Variants in RASSF3 observed in about 807,000 individuals in gnomAD.
RASSF3 encodes the protein Ras association domain family member 3, also known as ras association domain-containing protein 3.
RASSF3 carries 19 observed loss-of-function variants against 19.9 expected under a neutral mutation model. The ratio of observed to expected loss-of-function variants is 0.96; its 90% confidence interval spans 0.67 to 1.40. The LOEUF (loss-of-function observed/expected upper bound fraction) is 1.40, where lower values mean the gene tolerates loss of function less well. Among genes scored for constraint, RASSF3 ranks in the 40% most tolerant of loss-of-function variants. The pLI, the probability that RASSF3 is intolerant of heterozygous loss-of-function variation, is 0.00. For missense variants in RASSF3, 306 were observed against 289.8 expected (o/e 1.06, Z -0.41); for synonymous variants, 110 against 104.2 (o/e 1.06, Z -0.34).
intron 1 of RASSF3, among the ~76,000 whole-genome samples, chr12:64,668,032 G>A (rs1872580966): frequency 6.6e-6 from 1 of 152,180 alleles, no homozygotes; most frequent in Non-Finnish European, 1.5e-5. Flanking sequence ...ATGGTTATGG[G>A]GTTGGCCAGG....
intron 1 of RASSF3, chr12:64,611,367 C>G (rs1221088878): frequency 1.3e-5 from 2 of 152,306 alleles, no homozygotes; most frequent in African/African-American, 4.8e-5. Flanking sequence ...GTTTTGCAAA[C>G]AAGCTCCTAT....
intron 1 of RASSF3, among the ~76,000 whole-genome samples, chr12:64,641,512 C>T (rs1484162156): frequency 1.3e-5 from 2 of 149,792 alleles, no homozygotes; most frequent in African/African-American, 2.5e-5. Context: ...GTAACTGACT[C>T]CAGCTGGGGG....
At chr12:64,648,675 G>T (rs927208486) in intron 1 of RASSF3, among the ~76,000 whole-genome samples, 5 of 151,898 alleles carry the variant, frequency 3.3e-5, no homozygotes, top group Admixed American at 6.6e-5. Context: ...TAGAGACGGG[G>T]TTTCATCATG....
chr12:64,544,740 A>G (rs1158353786), downstream of RASSF3, among the ~76,000 whole-genome samples: 1 of 152,184 alleles, frequency 6.6e-6, no homozygotes, highest in African/African-American at 2.4e-5. Flanking sequence ...CTAGGCAGCA[A>G]TATTTATCCT....
chr12:64,594,708 C>T (rs184961595), intron 2 of RASSF3, among the ~76,000 whole-genome samples: 1 of 152,232 alleles, frequency 6.6e-6, no homozygotes, highest in African/African-American at 2.4e-5. Flanking sequence ...ACTCTAAAAA[C>T]ACAGCATACC....
At chr12:64,681,986 T>TAA (rs1397406972) in intron 1 of RASSF3, among the ~76,000 whole-genome samples, 2 of 152,048 alleles carry the variant, frequency 1.3e-5, no homozygotes, top group Non-Finnish European at 2.9e-5. Context: ...GCCTGGGTGA[T>TAA]AAAGTGAGAC....
At chr12:64,623,800 G>T (rs984732251) in intron 1 of RASSF3, among the ~76,000 whole-genome samples, 1 of 151,758 alleles carries the variant, frequency 6.6e-6, no homozygotes, top group Non-Finnish European at 1.5e-5. Context: ...CCGCCACCAT[G>T]CCTGGCTAAT....
chr12:64,687,975 C>G (rs566725263), intron 2 of RASSF3, among the ~76,000 whole-genome samples: 65 of 152,318 alleles, frequency 4.3e-4, no homozygotes, highest in African/African-American at 1.3e-3. Context: ...GCCACAGCAT[C>G]AGGAGGCTTC....
intron 4 of RASSF3, 41 bp from the exon 5 acceptor site, chr12:64,694,722 T>G: frequency 1.2e-6 from 2 of 1,610,458 alleles, no homozygotes; most frequent in Middle Eastern, 3.3e-4. Flanking sequence ...TCTAACTGAG[T>G]ATTAAACATC....
At chr12:64,512,697 A>G (rs1868336047) in intron 1 of RASSF3, among the ~76,000 whole-genome samples, 1 of 152,178 alleles carries the variant, frequency 6.6e-6, no homozygotes, top group Non-Finnish European at 1.5e-5. Context: ...ATACACAAGC[A>G]AAGGATGGAG....
chr12:64,661,932 C>T (rs1196042838), intron 1 of RASSF3, among the ~76,000 whole-genome samples: 1 of 150,912 alleles, frequency 6.6e-6, no homozygotes, highest in African/African-American at 2.4e-5. Context: ...CTGCCCACCT[C>T]GGCCTCCCAA....
chr12:64,515,220 C>G (rs1868355170), intron 1 of RASSF3, among the ~76,000 whole-genome samples: 1 of 152,016 alleles, frequency 6.6e-6, no homozygotes, highest in Admixed American at 6.6e-5. Flanking sequence ...CCACACCCAG[C>G]TAATTTTTGT....
intron 2 of RASSF3, among the ~76,000 whole-genome samples, chr12:64,564,817 G>A (rs1402937842): frequency 6.6e-6 from 1 of 150,496 alleles, no homozygotes; most frequent in Non-Finnish European, 1.5e-5. Flanking sequence ...GTCTCGCTCT[G>A]TTGCCCAGGC....
intron 2 of RASSF3, among the ~76,000 whole-genome samples, chr12:64,590,305 T>C (rs2136140173): frequency 6.6e-6 from 1 of 151,588 alleles, no homozygotes; most frequent in East Asian, 1.9e-4. Context: ...TAAATGAACA[T>C]TAACTTATAA....
At chr12:64,554,295 G>C (rs571533811) in intron 2 of RASSF3, among the ~76,000 whole-genome samples, 1 of 152,188 alleles carries the variant, frequency 6.6e-6, no homozygotes, top group African/African-American at 2.4e-5. Flanking sequence ...TGAAATGTGT[G>C]TGTGGTTTTT....
downstream of RASSF3, among the ~76,000 whole-genome samples, chr12:64,546,663 A>T (rs971005701): frequency 3.9e-5 from 6 of 152,214 alleles, no homozygotes; most frequent in South Asian, 1.0e-3. Flanking sequence ...TTTAAAGGTG[A>T]TGAATGATAA....
chr12:64,522,013 C>G (rs1289253937), intron 1 of RASSF3, among the ~76,000 whole-genome samples: 7 of 152,168 alleles, frequency 4.6e-5, no homozygotes, highest in Admixed American at 1.3e-4. Flanking sequence ...ATACAACGCT[C>G]ATCTTGTGAA....
Position 64,650,293 on chromosome 12 carries a change from G to A in RASSF3, c.112-34494G>A, listed in dbSNP as rs74100723. Among the ~76,000 whole-genome samples the A allele has an allele frequency of 7.0e-3, 1,070 of 152,218 alleles. 15 individuals are homozygous for A. The highest frequency in any genetic ancestry group is 0.025 in the African/African-American group (1,031 of 41,544). On this transcript the variant is annotated intron_variant, in intron 1 of 4. Transcript: ENST00000542104. ...GGAAGCAGTGCCTCAAGGCAAGCCT[G>A]AAGCAGCGCTGCCATGACAGGACCT...
chr12:64,514,704 G>T (rs1868350405), intron 1 of RASSF3, among the ~76,000 whole-genome samples: 1 of 152,116 alleles, frequency 6.6e-6, no homozygotes, highest in Non-Finnish European at 1.5e-5. Flanking sequence ...GCAAGAGTGG[G>T]ATGTTTCATT....
Sources: gnomAD v4.1 joint callset for allele counts (sites outside exome capture counted in the v4.1 genomes callset) on GRCh38, gnomAD v4.1.1 for gene constraint, MANE v1.5 for transcripts, NCBI Gene and HGNC (gene_info 2026-07-23, HGNC 2026-07-21) for gene names.